The following MAML3 variants were observed in gnomAD, a reference collection of about 807,000 sequenced individuals.
MAML3 encodes the protein mastermind like transcriptional coactivator 3.
MAML3 carries 27 observed loss-of-function variants against 101.9 expected under a neutral mutation model. That is an observed-to-expected ratio of 0.27 (90% CI 0.20 to 0.37). MAML3 has a LOEUF of 0.37. MAML3 is among the 10% of genes least tolerant of loss of function. The pLI is 1.00. For synonymous variants in MAML3, 501 were observed against 555.9 expected, an observed-to-expected ratio of 0.90 and a Z score of 1.39; for missense variants, 1,316 against 1,444.9, an observed-to-expected ratio of 0.91 and a Z score of 1.45.
At chr4:139,923,618 T>TTG (rs3079902) in intron 1 of MAML3, among the ~76,000 whole-genome samples, 9,873 of 150,238 alleles carry the variant, frequency 0.066, 939 homozygotes, top group African/African-American at 0.22. Context: ...GGGGTAGTCT[T>TTG]TGTGTGTGTG....
At chr4:140,092,885 C>T (rs1431399269) in intron 1 of MAML3, among the ~76,000 whole-genome samples, 1 of 152,174 alleles carries the variant, frequency 6.6e-6, no homozygotes, top group East Asian at 1.9e-4. Context: ...AATTTGAGCC[C>T]TAAGTACCAA....
Position 139,719,630 on chromosome 4 carries a change from T to C in MAML3, c.3110A>G (p.Gln1037Arg), listed in dbSNP as rs773976287. 1 of 1,612,490 alleles carries C rather than the reference T, an allele frequency of 6.2e-7. No individual in the cohort carries two copies. The highest frequency in any genetic ancestry group is 1.1e-5 in the South Asian group (1 of 90,802). The change falls in exon 5 of 5, where the codon CAG becomes CGG. Residue 1037 changes from glutamine to arginine, a missense_variant. By Grantham distance (43) the Gln-to-Arg change is conservative (BLOSUM62 1). Transcript: ENST00000509479. ...TGGCCTCGCCTGGCTGGTGCCTTGC[T>C]GCCCCGGGAGCGATGGCATCATCTG... The part of the protein sequence containing the change: ...GRQMMPSLPG[Q>R]QGTSQARPMV...
chr4:139,915,233 A>C (rs1377654947), intron 1 of MAML3, among the ~76,000 whole-genome samples: 1 of 152,254 alleles, frequency 6.6e-6, no homozygotes, highest in Non-Finnish European at 1.5e-5. Context: ...GTCAGTTGGC[A>C]ACAGCAGCAG....
intron 1 of MAML3, among the ~76,000 whole-genome samples, chr4:140,073,624 G>A (rs935643613): frequency 2.0e-5 from 3 of 152,174 alleles, no homozygotes; most frequent in Admixed American, 6.5e-5. Flanking sequence ...CATACCCTCC[G>A]CCTGCCATTT....
At chr4:140,152,798 G>GGCCCCCCCCCCCC in intron 1 of MAML3, 62 bp downstream of exon 1, 1 of 1,555,828 alleles carries the variant, frequency 6.4e-7, no homozygotes, top group Non-Finnish European at 8.7e-7. Context: ...AGCTCCACGC[G>GGCCCCCCCCCCCC]CCCCCCACCA....
At chr4:140,095,418 T>C (rs1166334313) in intron 1 of MAML3, among the ~76,000 whole-genome samples, 1 of 152,084 alleles carries the variant, frequency 6.6e-6, no homozygotes, top group Admixed American at 6.5e-5. Flanking sequence ...TGACCCCCAA[T>C]TGGCAACAAC....
At chr4:140,029,200 C>CA (rs1726871288) in intron 1 of MAML3, among the ~76,000 whole-genome samples, 1 of 152,190 alleles carries the variant, frequency 6.6e-6, no homozygotes, top group African/African-American at 2.4e-5. Flanking sequence ...GCAGCAACAC[C>CA]AATTCAACTA....
intron 2 of MAML3, among the ~76,000 whole-genome samples, chr4:139,801,668 G>GTGTGTGTC (rs1730610774): frequency 1.2e-4 from 2 of 17,210 alleles, no homozygotes; most frequent in African/African-American, 2.8e-4. Context: ...GTGTGTGTGT[G>GTGTGTGTC]TGTGTGTGTG....
At position 139,982,971 on chromosome 4, in the gene MAML3, C is replaced by T. The variant is rs556655466; in HGVS notation, c.469-92004G>A. 2.0e-5 allele frequency among the ~76,000 whole-genome samples: 3 copies of T among 152,184 alleles called. No individual in the cohort carries two copies. In the South Asian group the frequency reaches 6.2e-4, roughly 32 times the overall value. On this transcript the variant is annotated intron_variant, in intron 1 of 4. Coordinates refer to ENST00000509479, the MANE Select transcript of MAML3 (RefSeq NM_018717.5). ...CTGCTTTTGCCTTCAGTTTTGCAGT[C>T]TCTATGCATTTTCAAAGTTACTTAG...
At chr4:140,104,395 T>A (rs57782818) in intron 1 of MAML3, among the ~76,000 whole-genome samples, 388 of 30,904 alleles carry the variant, frequency 0.013, 23 homozygotes, top group African/African-American at 0.029. Context: ...ATATTATATA[T>A]TATATAATAT....
intron 1 of MAML3, among the ~76,000 whole-genome samples, chr4:140,008,063 G>A (rs1726486409): frequency 6.6e-6 from 1 of 152,182 alleles, no homozygotes; most frequent in Non-Finnish European, 1.5e-5. Context: ...TTAGATTTTA[G>A]GCTGGGCGCA....
chr4:139,780,168 T>G (rs1381005033), intron 2 of MAML3, among the ~76,000 whole-genome samples: 1 of 152,238 alleles, frequency 6.6e-6, no homozygotes, highest in Admixed American at 6.5e-5. Flanking sequence ...ATAGCCACAC[T>G]TGGCTAGTGG....
At chr4:140,087,448 T>C (rs1250180599) in intron 1 of MAML3, among the ~76,000 whole-genome samples, 1 of 152,264 alleles carries the variant, frequency 6.6e-6, no homozygotes, top group Non-Finnish European at 1.5e-5. Context: ...AGAAACTTTA[T>C]TCTTCACAAT....
At chr4:140,024,573 A>C (rs1049006194) in intron 1 of MAML3, among the ~76,000 whole-genome samples, 4 of 152,182 alleles carry the variant, frequency 2.6e-5, no homozygotes, top group Admixed American at 6.5e-5. Flanking sequence ...GCCCAGAGTC[A>C]AGATTTGACT....
intron 1 of MAML3, among the ~76,000 whole-genome samples, chr4:139,952,434 G>A (rs1186858660): frequency 1.3e-5 from 2 of 152,138 alleles, no homozygotes; most frequent in African/African-American, 4.8e-5. Flanking sequence ...TTGGCCTCCT[G>A]CGTAAAATAG....
Position 139,716,884 on chromosome 4 carries a change from A to AAAAC in MAML3, c.*2435_*2438dup, listed in dbSNP as rs1727992901. On this transcript the variant is annotated 3_prime_UTR_variant, in exon 5 of 5. Coordinates refer to ENST00000509479, the MANE Select transcript of MAML3 (RefSeq NM_018717.5). ...TAAGCAATGCTCAATGTACAAAGTA[A>AAAAC]AAACAGAAAACTAGAAAAATCTGAA... 1 of 152,660 alleles carries AAAAC rather than the reference A, an allele frequency of 6.6e-6. No individual in the cohort carries two copies. Among genetic ancestry groups the AAAAC allele is most frequent in the Non-Finnish European group, 1.5e-5 (1 of 68,058 alleles). 9.5% of individuals were successfully genotyped at this position (152,660 alleles called of 1,614,324 possible).
intron 2 of MAML3, among the ~76,000 whole-genome samples, chr4:139,766,342 T>C (rs1385207685): frequency 1.3e-5 from 2 of 152,156 alleles, no homozygotes; most frequent in Non-Finnish European, 2.9e-5. Flanking sequence ...CAGCTAATTT[T>C]CATATTTTTA....
chr4:140,005,083 T>G (rs1726423376), intron 1 of MAML3, among the ~76,000 whole-genome samples: 1 of 152,204 alleles, frequency 6.6e-6, no homozygotes, highest in African/African-American at 2.4e-5. Flanking sequence ...CTGGTGAATG[T>G]GGAGGACGGG....
chr4:139,948,333 C>T (rs1470534605), intron 1 of MAML3, among the ~76,000 whole-genome samples: 1 of 152,154 alleles, frequency 6.6e-6, no homozygotes, highest in East Asian at 1.9e-4. Context: ...GAAAATATTT[C>T]AGCTTTCAAA....
Sources: allele counts gnomAD v4.1 joint callset (sites outside exome capture counted in the v4.1 genomes callset), GRCh38; gene constraint gnomAD v4.1.1; transcripts MANE v1.5; gene names NCBI Gene and HGNC (gene_info 2026-07-23, HGNC 2026-07-21).